The following BBS9 variants were observed in gnomAD, a reference collection of about 807,000 sequenced individuals.
BBS9 encodes the protein Bardet-Biedl syndrome 9.
BBS9 carries 89 observed loss-of-function variants against 117.7 expected under a neutral mutation model. The ratio of observed to expected loss-of-function variants is 0.76; its 90% CI spans 0.64 to 0.90. The LOEUF (loss-of-function observed/expected upper bound fraction) is 0.90. Ranked by LOEUF, BBS9 falls within the 40% of genes least tolerant of loss-of-function variation. The pLI is 0.00. For missense variants in BBS9, 982 were observed against 1,042.2 expected (o/e 0.94, Z 0.80); for synonymous variants, 379 against 370.9 (o/e 1.02, Z -0.25).
chr7:33,210,395 G>A (rs1225168587), intron 5 of BBS9, among the ~76,000 whole-genome samples: 1 of 152,162 alleles, frequency 6.6e-6, no homozygotes, highest in Non-Finnish European at 1.5e-5. Context: ...TTTTGTAAAT[G>A]TCTCCATTTG....
In BBS9 at chr7:33,192,751, A is replaced by G. The variant is rs76462143; in HGVS notation, c.442+15160A>G. Among the ~76,000 whole-genome samples, 849 of 152,342 alleles carry G rather than the reference A, an allele frequency of 5.6e-3. 11 individuals are homozygous for G. Among genetic ancestry groups the G allele is most frequent in the African/African-American group, 0.019 (800 of 41,580 alleles). ...CTGGGAAGTCCAAAATCAAGGTGCC[A>G]GCAGGTTCAGTGTGCAGCTAGGGCC... On this transcript the variant is annotated intron_variant, in intron 5 of 22. Transcript: ENST00000242067.
intron 3 of BBS9, among the ~76,000 whole-genome samples, chr7:33,154,398 G>C (rs967224594): frequency 6.6e-6 from 1 of 152,156 alleles, no homozygotes; most frequent in African/African-American, 2.4e-5. Flanking sequence ...TTGCAGTTTA[G>C]AACAGTCTGT....
At chr7:33,192,364 A>G (rs1480530139) in intron 5 of BBS9, among the ~76,000 whole-genome samples, 1 of 152,216 alleles carries the variant, frequency 6.6e-6, no homozygotes, top group Non-Finnish European at 1.5e-5. Flanking sequence ...ATATTATAAG[A>G]TATTCCTAAA....
At chr7:33,574,729 G>GCACA (rs1218351798) in intron 21 of BBS9, among the ~76,000 whole-genome samples, 9 of 120,980 alleles carry the variant, frequency 7.4e-5, no homozygotes, top group African/African-American at 2.3e-4. Flanking sequence ...ACACACACGC[G>GCACA]CACACACACA....
chr7:33,590,453 T>TTTTTTTGTTTTTTTG (rs1563412362), intron 21 of BBS9, among the ~76,000 whole-genome samples: 1 of 108,484 alleles, frequency 9.2e-6, no homozygotes, highest in Non-Finnish European at 1.7e-5. Flanking sequence ...GTTTTTTTGT[T>TTTTTTTGTTTTTTTG]TTTTTGTTTT....
chr7:33,626,899 G>C (rs1437673631), intron 21 of BBS9, among the ~76,000 whole-genome samples: 2 of 152,220 alleles, frequency 1.3e-5, no homozygotes. Context: ...GTGAAAGTTT[G>C]GAAAATTTGC....
At chr7:33,462,214 G>C (rs1264980300) in intron 19 of BBS9, among the ~76,000 whole-genome samples, 2 of 151,972 alleles carry the variant, frequency 1.3e-5, no homozygotes, top group African/African-American at 4.8e-5. Flanking sequence ...TTCTCCTTGT[G>C]TTAAACATAT....
At chr7:33,311,472 C>T (rs906410865) in intron 9 of BBS9, among the ~76,000 whole-genome samples, 2 of 152,322 alleles carry the variant, frequency 1.3e-5, no homozygotes, top group African/African-American at 4.8e-5. Context: ...TAGCTAGACC[C>T]ATTTGCATTT....
At chr7:33,484,876 A>G (rs1842893651) in intron 19 of BBS9, among the ~76,000 whole-genome samples, 1 of 152,224 alleles carries the variant, frequency 6.6e-6, no homozygotes, top group Non-Finnish European at 1.5e-5. Context: ...CACAACAGCA[A>G]AGACATGGAA....
intron 7 of BBS9, among the ~76,000 whole-genome samples, chr7:33,269,938 G>A (rs930157380): frequency 1.9e-4 from 29 of 150,798 alleles, no homozygotes; most frequent in Admixed American, 1.4e-3. Context: ...CAGGAGAATC[G>A]CTTGAACCTG....
At chr7:33,599,387 A>G (rs548951131) in intron 21 of BBS9, among the ~76,000 whole-genome samples, 14 of 151,886 alleles carry the variant, frequency 9.2e-5, no homozygotes, top group African/African-American at 2.9e-4. Flanking sequence ...TGTTTATCCT[A>G]CTCTTCTTTT....
chr7:33,245,857 G>A (rs754272773), intron 5 of BBS9, among the ~76,000 whole-genome samples: 1 of 152,112 alleles, frequency 6.6e-6, no homozygotes, highest in Admixed American at 6.5e-5. Flanking sequence ...ATTTAGGGCA[G>A]GGTTATTTTA....
In BBS9 at chr7:33,332,126, T is replaced by TA. The variant is rs550630594; in HGVS notation, c.1017-4314dup. Among the ~76,000 whole-genome samples the TA allele has an allele frequency of 3.3e-3, 496 of 150,818 alleles. 1 individual carries two copies. The highest frequency in any genetic ancestry group is 0.011 in the African/African-American group (476 of 41,410). On this transcript the variant is annotated intron_variant, in intron 9 of 22. Coordinates refer to ENST00000242067, the MANE Select transcript of BBS9 (RefSeq NM_198428.3). ...GGGCACATAGACCAATGGAACAGGATAGAGAACCCAGAAATAAAGCCAGAC... is the reference window on the plus strand; with the variant it reads ...GGGCACATAGACCAATGGAACAGGATAAGAGAACCCAGAAATAAAGCCAGAC...
chr7:33,327,081 C>T (rs1813013728), intron 9 of BBS9, among the ~76,000 whole-genome samples: 1 of 152,004 alleles, frequency 6.6e-6, no homozygotes, highest in African/African-American at 2.4e-5. Context: ...TTCTTGTGGC[C>T]TAGACTTTCA....
chr7:33,283,324 A>T (rs1802260759), intron 9 of BBS9, among the ~76,000 whole-genome samples: 1 of 152,302 alleles, frequency 6.6e-6, no homozygotes, highest in African/African-American at 2.4e-5. Context: ...TGGATGAATT[A>T]CTTTTTCTGT....
chr7:33,551,322 A>T (rs1303572236), intron 21 of BBS9, among the ~76,000 whole-genome samples: 1 of 152,172 alleles, frequency 6.6e-6, no homozygotes, highest in Non-Finnish European at 1.5e-5. Context: ...AGAAAAATAA[A>T]ATTAGTTGCA....
chr7:33,497,823 T>C (rs1844934951), intron 19 of BBS9, among the ~76,000 whole-genome samples: 1 of 152,170 alleles, frequency 6.6e-6, no homozygotes, highest in Non-Finnish European at 1.5e-5. Flanking sequence ...CAGGGTACGG[T>C]GCAGGGTGAT....
chr7:33,135,457 C>T (rs540846817), intron 1 of BBS9, among the ~76,000 whole-genome samples: 4 of 152,292 alleles, frequency 2.6e-5, no homozygotes, highest in East Asian at 1.9e-4. Context: ...TTTGAATGAT[C>T]GTGGCACCTT....
intron 1 of BBS9, among the ~76,000 whole-genome samples, chr7:33,133,640 T>A (rs1051934422): frequency 2.6e-5 from 4 of 152,244 alleles, no homozygotes; most frequent in Non-Finnish European, 5.9e-5. Context: ...GTTCTTTTCT[T>A]TTTTATGGCC....
Sources: gnomAD v4.1 joint callset for allele counts (sites outside exome capture counted in the v4.1 genomes callset) on GRCh38, gnomAD v4.1.1 for gene constraint, MANE v1.5 for transcripts, NCBI Gene and HGNC (gene_info 2026-07-23, HGNC 2026-07-21) for gene names.